The following LRMDA variants were observed in gnomAD, a reference collection of about 807,000 sequenced individuals.
LRMDA encodes leucine rich melanocyte differentiation associated.
In LRMDA, 18 loss-of-function variants were observed where a neutral mutation model predicts 29.8. That is an observed-to-expected ratio of 0.60 (90% CI 0.42 to 0.90). The LOEUF (loss-of-function observed/expected upper bound fraction) is 0.90. Among genes scored for constraint, LRMDA ranks in the 40% least tolerant of loss-of-function variants. The probability of loss-of-function intolerance (pLI) is 0.00; values close to 1 mark genes in which losing one functional copy is unlikely to be tolerated. For synonymous variants in LRMDA, 125 were observed against 109.4 expected (o/e 1.14, Z -0.89); for missense variants, 273 against 273.9 (o/e 1.00, Z 0.02).
At chr10:75,813,739 G>C (rs1844006445) in intron 2 of LRMDA, among the ~76,000 whole-genome samples, 1 of 152,180 alleles carries the variant, frequency 6.6e-6, no homozygotes, top group Admixed American at 6.5e-5. Flanking sequence ...CAAATTCCCT[G>C]ATCGTGAACT....
intron 2 of LRMDA, among the ~76,000 whole-genome samples, chr10:75,987,431 G>C (rs1847279699): frequency 6.6e-6 from 1 of 152,214 alleles, no homozygotes; most frequent in South Asian, 2.1e-4. Context: ...CCAAAGTTGT[G>C]ACAACACAGA....
chr10:75,572,560 A>T (rs1050717256), intron 2 of LRMDA, among the ~76,000 whole-genome samples: 1 of 152,160 alleles, frequency 6.6e-6, no homozygotes, highest in African/African-American at 2.4e-5. Flanking sequence ...TGCCAAGTAC[A>T]CTATTAATTT....
At chr10:76,173,729 C>G (rs377392615) in intron 5 of LRMDA, among the ~76,000 whole-genome samples, 2 of 152,078 alleles carry the variant, frequency 1.3e-5, no homozygotes, top group Admixed American at 6.6e-5. Context: ...GGTGCCATCT[C>G]GGCTCACTAC....
intron 2 of LRMDA, among the ~76,000 whole-genome samples, chr10:75,791,856 CTT>C (rs5786188): frequency 7.9e-4 from 81 of 102,046 alleles, no homozygotes; most frequent in Admixed American, 1.8e-3. Flanking sequence ...ATTCCAGGAT[CTT>C]TTTTTTTTTT....
intron 2 of LRMDA, among the ~76,000 whole-genome samples, chr10:75,977,293 A>G (rs1165676726): frequency 6.6e-6 from 1 of 152,152 alleles, no homozygotes; most frequent in African/African-American, 2.4e-5. Flanking sequence ...GCCTTTTACA[A>G]TATGCTTTTC....
intron 6 of LRMDA, among the ~76,000 whole-genome samples, chr10:76,418,409 T>G (rs1010421418): frequency 6.6e-6 from 1 of 151,896 alleles, no homozygotes; most frequent in African/African-American, 2.4e-5. Flanking sequence ...ATGTATATGA[T>G]TTTTCAAAAT....
intron 5 of LRMDA, among the ~76,000 whole-genome samples, chr10:76,150,795 C>T (rs1850426332): frequency 6.6e-6 from 1 of 152,100 alleles, no homozygotes; most frequent in Non-Finnish European, 1.5e-5. Flanking sequence ...TTGGTGGCAC[C>T]CTTTGTGAGG....
chr10:76,501,982 A>T (rs1044613739), intron 6 of LRMDA, among the ~76,000 whole-genome samples: 1 of 151,904 alleles, frequency 6.6e-6, no homozygotes, highest in African/African-American at 2.4e-5. Flanking sequence ...CAGGATTTTT[A>T]TAGTGTGAGG....
chr10:76,366,577 G>A (rs1338154917), intron 6 of LRMDA, among the ~76,000 whole-genome samples: 1 of 152,154 alleles, frequency 6.6e-6, no homozygotes, highest in Non-Finnish European at 1.5e-5. Flanking sequence ...GTATAGAAGA[G>A]CTATTGATTT....
At chr10:76,034,754 GAATA>G (rs1260440334) in intron 2 of LRMDA, among the ~76,000 whole-genome samples, 5 of 152,298 alleles carry the variant, frequency 3.3e-5, no homozygotes, top group Middle Eastern at 6.8e-3. Context: ...ATCAGTAAAT[GAATA>G]AATAGTGTGG....
intron 5 of LRMDA, among the ~76,000 whole-genome samples, chr10:76,292,007 C>A (rs1024693779): frequency 6.6e-6 from 1 of 152,050 alleles, no homozygotes; most frequent in African/African-American, 2.4e-5. Flanking sequence ...CAGACATATA[C>A]ACATGAAAAT....
chr10:76,187,191 C>T (rs1006507386), intron 5 of LRMDA, among the ~76,000 whole-genome samples: 7 of 152,100 alleles, frequency 4.6e-5, no homozygotes, highest in Admixed American at 4.6e-4. Flanking sequence ...ATCACAGAGA[C>T]TGTAAATGTG....
intron 5 of LRMDA, among the ~76,000 whole-genome samples, chr10:76,159,522 C>T (rs980392137): frequency 6.6e-6 from 1 of 152,172 alleles, no homozygotes; most frequent in Non-Finnish European, 1.5e-5. Flanking sequence ...CCAGCCATCA[C>T]ACTCCTTGGT....
chr10:75,965,587 T>G (rs1846844791), intron 2 of LRMDA, among the ~76,000 whole-genome samples: 2 of 152,142 alleles, frequency 1.3e-5, no homozygotes, highest in African/African-American at 4.8e-5. Flanking sequence ...TGAAGGCCAC[T>G]GTGAAAAGAA....
chr10:75,684,008 T>G (rs1034793187), intron 2 of LRMDA, among the ~76,000 whole-genome samples: 3 of 152,240 alleles, frequency 2.0e-5, no homozygotes, highest in African/African-American at 7.2e-5. Flanking sequence ...CACATGTTTT[T>G]AAGGGGACCC....
Position 76,243,160 on chromosome 10 carries a change from C to T in LRMDA, c.517-81241C>T, listed in dbSNP as rs147141801. Among the ~76,000 whole-genome samples, 402 of 152,228 alleles carry T rather than the reference C, an allele frequency of 2.6e-3. 19 individuals are homozygous for T. In the East Asian group the frequency reaches 0.06, roughly 23 times the overall value. ...CTCCCGTCCGTATCACGACAAGCCT[C>T]GGAGTGAACTGTTTATTTATCAATT... is the stretch of plus-strand genomic sequence containing the variant. On this transcript the variant is annotated intron_variant, in intron 5 of 6. Coordinates refer to ENST00000611255, the MANE Select transcript of LRMDA (RefSeq NM_001305581.2).
intron 2 of LRMDA, among the ~76,000 whole-genome samples, chr10:75,523,196 G>A (rs1845380567): frequency 6.6e-6 from 1 of 152,220 alleles, no homozygotes; most frequent in South Asian, 2.1e-4. Flanking sequence ...CATATAGGTT[G>A]TTGCTGCTAC....
intron 2 of LRMDA, among the ~76,000 whole-genome samples, chr10:75,746,557 A>G (rs1564556556): frequency 6.6e-6 from 1 of 152,092 alleles, no homozygotes. Flanking sequence ...TCTTACAAAT[A>G]TTTGTCAGAG....
At chr10:76,083,176 G>A (rs2132081252) in intron 5 of LRMDA, among the ~76,000 whole-genome samples, 1 of 152,322 alleles carries the variant, frequency 6.6e-6, no homozygotes, top group Admixed American at 6.5e-5. Flanking sequence ...TTAGAGGTGT[G>A]CCTTTGATAT....
Sources: allele counts gnomAD v4.1 joint callset (sites outside exome capture counted in the v4.1 genomes callset), GRCh38; gene constraint gnomAD v4.1.1; transcripts MANE v1.5; gene names NCBI Gene and HGNC (gene_info 2026-07-23, HGNC 2026-07-21).